Variants in GRIP1 observed in about 807,000 individuals in gnomAD.
The protein encoded by GRIP1 is glutamate receptor-interacting protein 1.
A neutral mutation model predicts 129.9 loss-of-function variants in GRIP1; 45 were observed. That is an observed-to-expected ratio of 0.35 (90% CI 0.27 to 0.44). The LOEUF (loss-of-function observed/expected upper bound fraction) is 0.44, where lower values mean the gene tolerates loss of function less well. Among genes scored for constraint, GRIP1 ranks in the 20% least tolerant of loss-of-function variants. GRIP1 has a pLI of 1.00. For synonymous variants in GRIP1, 530 were observed against 520.8 expected, an observed-to-expected ratio of 1.02 and a Z score of -0.24; for missense variants, 1,196 against 1,396.8, an observed-to-expected ratio of 0.86 and a Z score of 2.29.
At chr12:66,810,870 T>C (rs972406905) in intron 1 of GRIP1, among the ~76,000 whole-genome samples, 3 of 152,230 alleles carry the variant, frequency 2.0e-5, no homozygotes, top group Non-Finnish European at 4.4e-5. Context: ...ACAGTGATAA[T>C]ATACCCTAAG....
chr12:66,406,774 TACTTTTG>T (rs1459152069), intron 15 of GRIP1, among the ~76,000 whole-genome samples: 12 of 152,350 alleles, frequency 7.9e-5, no homozygotes, highest in Non-Finnish European at 1.2e-4. Flanking sequence ...ATTGTTGTAT[TACTTTTG>T]ATCCTTGGTA....
chr12:66,391,398 T>C (rs2056580505), intron 19 of GRIP1, among the ~76,000 whole-genome samples: 1 of 152,214 alleles, frequency 6.6e-6, no homozygotes, highest in Admixed American at 6.5e-5. Flanking sequence ...TAAAAGAAGC[T>C]ATTAGTTTAT....
At chr12:66,976,775 G>T (rs2042158856) in intron 1 of GRIP1, among the ~76,000 whole-genome samples, 1 of 152,092 alleles carries the variant, frequency 6.6e-6, no homozygotes, top group African/African-American at 2.4e-5. Flanking sequence ...TCATCATCTT[G>T]CTTCTGAATG....
chr12:66,582,226 C>G (rs1366029503), intron 2 of GRIP1, among the ~76,000 whole-genome samples: 1 of 147,860 alleles, frequency 6.8e-6, no homozygotes, highest in Non-Finnish European at 1.5e-5. Context: ...TAAAAACACT[C>G]AATAAATTAG....
intron 2 of GRIP1, among the ~76,000 whole-genome samples, chr12:66,593,259 G>A (rs1414884157): frequency 6.6e-6 from 1 of 152,104 alleles, no homozygotes; most frequent in African/African-American, 2.4e-5. Context: ...TCCTTTTTCA[G>A]GAAGAGGAAA....
At position 67,060,869 on chromosome 12, in the gene GRIP1, AGAATTTTTTCT is replaced by A. The variant is rs548788484; in HGVS notation, c.58+8170_58+8180del. On this transcript the variant is annotated intron_variant, in intron 1 of 1. Coordinates refer to the GRIP1 transcript ENST00000643019. Reference sequence around the variant, plus strand: ...AATGTGTTGGCAGTGGAGAGCTGCAAGAATTTTTTCTCCCTTCAAAAGGTTCCAAACATCAT... The same window carrying A: ...AATGTGTTGGCAGTGGAGAGCTGCAACCCTTCAAAAGGTTCCAAACATCAT... 9.4e-3 allele frequency among the ~76,000 whole-genome samples: 1,425 copies of A among 151,600 alleles called. 28 individuals carry two copies. The highest frequency in any genetic ancestry group is 0.033 in the African/African-American group (1,366 of 41,186).
At chr12:66,462,222 C>T (rs1009000835) in intron 9 of GRIP1, among the ~76,000 whole-genome samples, 1 of 152,306 alleles carries the variant, frequency 6.6e-6, no homozygotes, top group Middle Eastern at 3.4e-3. Context: ...AAGAAAAAAA[C>T]TCCACTGGCA....
chr12:66,549,676 G>A (rs78970340), intron 2 of GRIP1, among the ~76,000 whole-genome samples: 2,888 of 152,118 alleles, frequency 0.019, 38 homozygotes, highest in Non-Finnish European at 0.031. Flanking sequence ...AAAGGTTTTT[G>A]GGCATTTTCC....
intron 1 of GRIP1, among the ~76,000 whole-genome samples, chr12:66,674,439 C>T (rs910349958): frequency 1.3e-5 from 2 of 152,120 alleles, no homozygotes; most frequent in Non-Finnish European, 2.9e-5. Flanking sequence ...TCCATTAAGA[C>T]AAAACATTTA....
At chr12:66,415,616 C>T (rs2057570817) in intron 15 of GRIP1, among the ~76,000 whole-genome samples, 1 of 152,128 alleles carries the variant, frequency 6.6e-6, no homozygotes, top group South Asian at 2.1e-4. Context: ...AAGATATATG[C>T]ACGCTTATGT....
At chr12:67,025,327 C>T (rs764322919) in intron 1 of GRIP1, among the ~76,000 whole-genome samples, 33 of 151,852 alleles carry the variant, frequency 2.2e-4, no homozygotes, top group Admixed American at 5.3e-4. Context: ...GGTGACAGAG[C>T]GAGACTCTGT....
At chr12:66,431,658 T>C (rs893468515) in intron 14 of GRIP1, among the ~76,000 whole-genome samples, 1 of 152,208 alleles carries the variant, frequency 6.6e-6, no homozygotes, top group Non-Finnish European at 1.5e-5. Context: ...AAACCAGCTC[T>C]TGGTCACAGT....
At chr12:66,811,673 A>G (rs2136953707) in intron 1 of GRIP1, among the ~76,000 whole-genome samples, 1 of 151,230 alleles carries the variant, frequency 6.6e-6, no homozygotes, top group South Asian at 2.1e-4. Context: ...TCTCCTTGCC[A>G]ACTTGTTCTT....
At chr12:66,574,961 G>A (rs924003025) in intron 2 of GRIP1, among the ~76,000 whole-genome samples, 2 of 151,652 alleles carry the variant, frequency 1.3e-5, no homozygotes, top group Admixed American at 6.6e-5. Context: ...TAATAGAGAC[G>A]GGGTTTCACC....
chr12:66,406,867 C>A (rs60771683), intron 15 of GRIP1, among the ~76,000 whole-genome samples: 16,576 of 152,094 alleles, frequency 0.11, 2,682 homozygotes, highest in African/African-American at 0.35. Flanking sequence ...CTAAGGCTTG[C>A]ACCTCTGCTA....
At chr12:66,548,989 G>T (rs1268196610) in intron 2 of GRIP1, among the ~76,000 whole-genome samples, 1 of 152,146 alleles carries the variant, frequency 6.6e-6, no homozygotes, top group Non-Finnish European at 1.5e-5. Flanking sequence ...AGCAAAACAG[G>T]CGAAGCTCTT....
At chr12:66,378,576 ATC>A (rs1469959060) in intron 20 of GRIP1, among the ~76,000 whole-genome samples, 3 of 151,950 alleles carry the variant, frequency 2.0e-5, no homozygotes, top group Non-Finnish European at 4.4e-5. Flanking sequence ...ACAAAACCCC[ATC>A]TCTAGTAAAA....
At chr12:66,762,943 G>A (rs1423493239) in intron 1 of GRIP1, among the ~76,000 whole-genome samples, 1 of 152,130 alleles carries the variant, frequency 6.6e-6, no homozygotes, top group Non-Finnish European at 1.5e-5. Context: ...GAGGCTGTTT[G>A]CAGGGGCTAT....
At chr12:66,577,069 C>T (rs1469275337) in intron 2 of GRIP1, among the ~76,000 whole-genome samples, 1 of 152,142 alleles carries the variant, frequency 6.6e-6, no homozygotes, top group African/African-American at 2.4e-5. Flanking sequence ...AGACCATTGA[C>T]AAACTAAAGA....
Sources: allele counts gnomAD v4.1 joint callset (sites outside exome capture counted in the v4.1 genomes callset), GRCh38; gene constraint gnomAD v4.1.1; transcripts MANE v1.5; gene names NCBI Gene and HGNC (gene_info 2026-07-23, HGNC 2026-07-21).